Variants in REXO2 observed in about 807,000 individuals in gnomAD.
REXO2 encodes the protein oligoribonuclease, mitochondrial.
REXO2 carries 17 observed loss-of-function variants against 30.9 expected under a neutral mutation model. The observed-to-expected ratio is 0.55, with a 90% CI of 0.38 to 0.82. REXO2 has a LOEUF of 0.82. Ranked by LOEUF, REXO2 falls within the 40% of genes least tolerant of loss-of-function variation. The pLI is 0.00. For missense variants in REXO2, 253 were observed against 293.2 expected (o/e 0.86, Z 1.00); for synonymous variants, 105 against 99.6 (o/e 1.05, Z -0.32).
At chr11:114,447,915 A>C (rs771017552) in intron 6 of REXO2, 36 bp downstream of exon 6, 2 of 1,549,982 alleles carry the variant, frequency 1.3e-6, no homozygotes. Context: ...TTCCAGTCTG[A>C]CACACACTTA....
In REXO2 at chr11:114,439,558, G is replaced by T; in HGVS notation, c.30G>T (p.Leu10=). 6.2e-7 allele frequency: 1 copy of T among 1,609,252 alleles called. No individual in the cohort carries two copies. The change falls in exon 1 of 7, where the codon CTG becomes CTT. Residue 10 remains leucine (L), a synonymous_variant. Coordinates refer to ENST00000265881, the MANE Select transcript of REXO2 (RefSeq NM_015523.4). ...TAGGCGGCTCCCTGGGCTCCAGGCT[G>T]TTGCGGGGTGTAGGTGGGAGTCACG... MLGGSLGSR[L]LRGVGGSHGR...
chr11:114,445,893 C>A (rs886485356), intron 4 of REXO2, 86 bp from the exon 5 acceptor site: 3 of 771,834 alleles, frequency 3.9e-6, no homozygotes, highest in Admixed American at 4.3e-5. Flanking sequence ...AAAATCATCT[C>A]CATTTCAAAT....
In REXO2 at chr11:114,447,856, A is replaced by T; in HGVS notation, c.561A>T (p.Ala187=). The T allele has an allele frequency of 6.2e-7, 1 of 1,613,862 alleles. No homozygotes were observed. Among genetic ancestry groups the T allele is most frequent in the Non-Finnish European group, 8.5e-7 (1 of 1,179,928 alleles). Residue 187 remains alanine (A), a synonymous_variant, in exon 6 of 7, where the codon GCA becomes GCT. Coordinates refer to ENST00000265881, the MANE Select transcript of REXO2 (RefSeq NM_015523.4). The part of the protein sequence containing the change: ...RRWYPEEYEF[A]PKKAASHRAL... ...GGTATCCAGAAGAATATGAATTTGC[A>T]CCAAAGAAGGCTGCTTCTCATAGGT...
intron 6 of REXO2, 92 bp downstream of exon 6, chr11:114,447,971 T>C (rs1396768994): frequency 2.1e-6 from 2 of 948,070 alleles, no homozygotes; most frequent in Non-Finnish European, 3.3e-6. Flanking sequence ...TTAACTCTTT[T>C]TTCTCGGGGA....
intron 1 of REXO2, 93 bp downstream of exon 1, chr11:114,439,768 C>T: frequency 7.2e-7 from 1 of 1,394,916 alleles, no homozygotes; most frequent in Non-Finnish European, 9.4e-7. Context: ...CGTTGGGGGT[C>T]TGGGTCTCAG....
rs771610958 is a variant in REXO2 at position 114,446,077 on chromosome 11, G to A, written c.520G>A (p.Glu174Lys). 7 of 1,549,966 alleles carry A rather than the reference G, an allele frequency of 4.5e-6. No homozygotes were observed. The highest frequency in any genetic ancestry group is 5.3e-6 in the Non-Finnish European group (6 of 1,125,770). Residue 174 changes from glutamate (E) to lysine (K), a missense_variant, in exon 5 of 7, where the codon GAA (glutamate) becomes AAA (lysine). Physicochemically the swap from Glu to Lys is moderately conservative, Grantham distance 56. Transcript: ENST00000265881. The stretch of plus-strand genomic sequence containing the variant: ...AATAATTGATGTGAGCACTGTTAAA[G>A]AACTGTGCAGGTAAGGGCTATATTT... ...YRIIDVSTVK[E>K]LCRRWYPEEY...
At chr11:114,448,629 T>A (rs1221768392) in intron 6 of REXO2, among the ~76,000 whole-genome samples, 1 of 152,238 alleles carries the variant, frequency 6.6e-6, no homozygotes, top group Admixed American at 6.5e-5. Context: ...TCAGAATTTT[T>A]CAGATTTTAG....
chr11:114,439,489 C>T lies in REXO2; in HGVS notation c.-40C>T. ...AGCGACTATTGCGCCTGCGCCAGCG[C>T]CGGCTGCGAGACTGGGGCCGTGGCT... is the stretch of plus-strand genomic sequence containing the variant. On this transcript the variant is annotated 5_prime_UTR_variant, in exon 1 of 7. Coordinates refer to ENST00000265881, the MANE Select transcript of REXO2 (RefSeq NM_015523.4). The T allele has an allele frequency of 1.3e-6, 2 of 1,595,822 alleles. No individual in the cohort carries two copies. The highest frequency in any genetic ancestry group is 2.2e-5 in the East Asian group (1 of 44,624).
At position 114,439,521 on chromosome 11, in the gene REXO2, C is replaced by A; in HGVS notation, c.-8C>A. On this transcript the variant is annotated 5_prime_UTR_variant, in exon 1 of 7. Transcript: ENST00000265881. ...CGAGACTGGGGCCGTGGCTGCTGGT[C>A]CCGGGTGATGCTAGGCGGCTCCCTG... 1 of 1,604,696 alleles carries A rather than the reference C, an allele frequency of 6.2e-7. No homozygotes were observed. The highest frequency in any genetic ancestry group is 8.5e-7 in the Non-Finnish European group (1 of 1,179,162).
chr11:114,439,759 G>T, intron 1 of REXO2, 84 bp downstream of exon 1: 1 of 1,409,442 alleles, frequency 7.1e-7, no homozygotes, highest in Non-Finnish European at 9.3e-7. Flanking sequence ...CTGGGAGAGC[G>T]TTGGGGGTCT....
intron 1 of REXO2, chr11:114,439,900 G>C (rs1946463591): frequency 1.7e-6 from 1 of 587,172 alleles, no homozygotes. Flanking sequence ...GGAGTCCTCC[G>C]TGTGGCTTCT....
intron 6 of REXO2, among the ~76,000 whole-genome samples, 181 bp from the exon 7 acceptor site, chr11:114,449,665 A>T (rs564923346): frequency 2.0e-5 from 3 of 152,274 alleles, no homozygotes; most frequent in Admixed American, 2.0e-4. Context: ...AAAAGTTTTT[A>T]AAAAACAAAG....
intron 5 of REXO2, 78 bp from the exon 6 acceptor site, chr11:114,447,748 A>C: frequency 8.1e-7 from 1 of 1,232,976 alleles, no homozygotes; most frequent in Non-Finnish European, 1.1e-6. Flanking sequence ...TTCAATGTTA[A>C]TGGATTACTT....
At position 114,440,751 on chromosome 11, in the gene REXO2, C is replaced by T; in HGVS notation, c.231+12C>T. On this transcript the variant is annotated intron_variant, in intron 2 of 6. Coordinates refer to ENST00000265881, the MANE Select transcript of REXO2 (RefSeq NM_015523.4). ...ACATTTTGGCTGAAGTACGTGATGC[C>T]ATGTAATACAGTCATACTTTTTAAA... 1 of 1,574,250 alleles carries T rather than the reference C, an allele frequency of 6.4e-7. No individual in the cohort carries two copies. Among genetic ancestry groups the T allele is most frequent in the Non-Finnish European group, 8.7e-7 (1 of 1,144,436 alleles).
At chr11:114,440,270 TAAC>T (rs930810391) in intron 1 of REXO2, 6 of 387,158 alleles carry the variant, frequency 1.5e-5, no homozygotes, top group African/African-American at 1.3e-4. Context: ...GTGAGGATAA[TAAC>T]AGTAGTTTTT....
At chr11:114,446,170 C>T in intron 5 of REXO2, 83 bp downstream of exon 5, 1 of 778,426 alleles carries the variant, frequency 1.3e-6, no homozygotes, top group South Asian at 1.9e-5. Context: ...TTGGATAGAG[C>T]TGTAGAACTA....
intron 5 of REXO2, 29 bp from the exon 6 acceptor site, chr11:114,447,797 T>A (rs2134787758): frequency 1.3e-6 from 2 of 1,595,542 alleles, no homozygotes; most frequent in Non-Finnish European, 8.6e-7. Flanking sequence ...GACAGCTTCC[T>A]TTGAGAGTTC....
chr11:114,443,944 CA>C lies in REXO2; in HGVS notation c.309+14del. On this transcript the variant is annotated intron_variant, in intron 3 of 6. Coordinates refer to ENST00000265881, the MANE Select transcript of REXO2 (RefSeq NM_015523.4). ...GAGCATCACGGGAAGGTAACATTAC[CA>C]AATAACAGGATTGCTGCTTTGGGGA... 6.3e-7 allele frequency: 1 copy of C among 1,588,714 alleles called. No individual in the cohort carries two copies. The highest frequency in any genetic ancestry group is 8.6e-7 in the Non-Finnish European group (1 of 1,162,286).
At chr11:114,448,477 G>C (rs1774430020) in intron 6 of REXO2, among the ~76,000 whole-genome samples, 1 of 152,136 alleles carries the variant, frequency 6.6e-6, no homozygotes, top group African/African-American at 2.4e-5. Flanking sequence ...GATGTACCTT[G>C]CACAGTTATA....
Sources: allele counts gnomAD v4.1 joint callset (sites outside exome capture counted in the v4.1 genomes callset), GRCh38; gene constraint gnomAD v4.1.1; transcripts MANE v1.5; gene names NCBI Gene and HGNC (gene_info 2026-07-23, HGNC 2026-07-21).